The following NDNF variants were observed in gnomAD, a reference collection of about 807,000 sequenced individuals.
NDNF encodes the protein protein NDNF.
A neutral mutation model predicts 42.0 loss-of-function variants in NDNF; 16 were observed. The ratio of observed to expected loss-of-function variants is 0.38; its 90% confidence interval spans 0.26 to 0.58. The LOEUF (loss-of-function observed/expected upper bound fraction) is 0.58, where lower values mean the gene tolerates loss of function less well. Among genes scored for constraint, NDNF ranks in the 20% least tolerant of loss-of-function variants. The pLI, the probability that NDNF is intolerant of heterozygous loss-of-function variation, is 0.67. For missense variants in NDNF, 616 were observed against 666.2 expected (o/e 0.92, Z 0.83); for synonymous variants, 248 against 251.7 (o/e 0.99, Z 0.14).
At chr4:121,043,473 C>G (rs544798959) in intron 2 of NDNF, among the ~76,000 whole-genome samples, 76 of 151,822 alleles carry the variant, frequency 5.0e-4, no homozygotes, top group Non-Finnish European at 9.3e-4. Context: ...AACATTTTTT[C>G]CTATTGTGGA....
At chr4:121,064,215 CAGGAGT>C (rs1727462103) in intron 1 of NDNF, among the ~76,000 whole-genome samples, 1 of 152,076 alleles carries the variant, frequency 6.6e-6, no homozygotes, top group Admixed American at 6.6e-5. Context: ...TCAGATTTAT[CAGGAGT>C]AGAAGGATAG....
At chr4:121,038,455 G>A (rs1239785233) in intron 3 of NDNF, among the ~76,000 whole-genome samples, 4 of 151,850 alleles carry the variant, frequency 2.6e-5, no homozygotes. Context: ...CGTGCACCCA[G>A]GAATAACACA....
At chr4:121,048,145 A>G (rs777219538) in intron 1 of NDNF, among the ~76,000 whole-genome samples, 11 of 152,188 alleles carry the variant, frequency 7.2e-5, no homozygotes, top group Non-Finnish European at 1.6e-4. Context: ...ATGCAATTCT[A>G]CAAGTTTATT....
intron 1 of NDNF, among the ~76,000 whole-genome samples, chr4:121,055,758 T>C (rs1727282790): frequency 6.6e-6 from 1 of 152,088 alleles, no homozygotes; most frequent in Admixed American, 6.5e-5. Flanking sequence ...ATCCGCCAGA[T>C]ACATGGATGG....
intron 1 of NDNF, among the ~76,000 whole-genome samples, chr4:121,068,071 A>G (rs889639129): frequency 4.6e-5 from 7 of 152,258 alleles, no homozygotes; most frequent in Non-Finnish European, 7.3e-5. Flanking sequence ...CAAAAATATA[A>G]CTGAGTTTAT....
chr4:121,069,938 A>C (rs1727561504), intron 1 of NDNF, among the ~76,000 whole-genome samples: 1 of 152,224 alleles, frequency 6.6e-6, no homozygotes, highest in African/African-American at 2.4e-5. Context: ...TTGGGACCAT[A>C]ATTAATTATG....
Position 121,037,599 on chromosome 4 carries a change from C to A in NDNF, c.372G>T (p.Glu124Asp). 22 of 1,608,602 alleles carry A rather than the reference C, an allele frequency of 1.4e-5. No individual in the cohort carries two copies. The highest frequency in any genetic ancestry group is 1.9e-5 in the Non-Finnish European group (22 of 1,178,986). Residue 124 changes from glutamate (E) to aspartate (D), a missense_variant, in exon 4 of 4, where the codon GAG becomes GAT. Transcript: ENST00000379692. ...KQQIINEEGT[E>D]LFSYKGNDVE... ...CATCATTGCCTTTGTAGGAGAATAA[C>A]TCAGTGCCTTCCTCATTAATGATCT... is the stretch of plus-strand genomic sequence containing the variant.
intron 2 of NDNF, among the ~76,000 whole-genome samples, chr4:121,042,857 T>C (rs1045470859): frequency 1.3e-5 from 2 of 152,196 alleles, no homozygotes; most frequent in Admixed American, 1.3e-4. Flanking sequence ...CACAAGGAAG[T>C]AGTTTATTTC....
rs1364185591 is a variant in NDNF at position 121,045,826 on chromosome 4, G to GAGC, written c.9_11dup (p.Leu4dup). On this transcript the variant is annotated inframe_insertion, in exon 2 of 4. Coordinates refer to ENST00000379692, the MANE Select transcript of NDNF (RefSeq NM_024574.4). ...ACAGGAGCCACAGCAGGCACCAGTG[G>GAGC]AGCAGCACCATCCTGAGGCAACAGA... 3 of 1,613,914 alleles carry GAGC rather than the reference G, an allele frequency of 1.9e-6. No individual in the cohort carries two copies. The highest frequency in any genetic ancestry group is 2.5e-6 in the Non-Finnish European group (3 of 1,179,970).
At chr4:121,065,872 T>G (rs1051051010) in intron 1 of NDNF, among the ~76,000 whole-genome samples, 2 of 152,060 alleles carry the variant, frequency 1.3e-5, no homozygotes, top group African/African-American at 4.8e-5. Context: ...GTTTACCCAT[T>G]TCCCATTGCA....
chr4:121,049,582 G>C (rs1727154779), intron 1 of NDNF, among the ~76,000 whole-genome samples: 1 of 152,110 alleles, frequency 6.6e-6, no homozygotes, highest in South Asian at 2.1e-4. Flanking sequence ...AACTATGACA[G>C]ACTAATTTAT....
intron 1 of NDNF, among the ~76,000 whole-genome samples, chr4:121,058,875 C>T (rs922570552): frequency 7.9e-5 from 12 of 151,898 alleles, no homozygotes; most frequent in African/African-American, 2.9e-4. Flanking sequence ...TTTCACTCTT[C>T]GAAAAAATTA....
intron 1 of NDNF, among the ~76,000 whole-genome samples, chr4:121,066,672 G>A (rs898451183): frequency 5.9e-5 from 9 of 152,056 alleles, no homozygotes; most frequent in Non-Finnish European, 1.0e-4. Context: ...ATATTTTAGA[G>A]GTCTAATTAT....
chr4:121,037,413 T>G lies in NDNF; in HGVS notation c.558A>C (p.Ser186=). ...CCAAAGTGACCGTGGTGCGCCCCAG[T>G]GAGGTCACATCTACTCTTGGGTCAT... The part of the protein sequence containing the change: ...LPYDPRVDVT[S]LGRTTVTLAW... Residue 186 remains serine, a synonymous_variant, in exon 4 of 4, where the codon TCA becomes TCC. Coordinates refer to ENST00000379692, the MANE Select transcript of NDNF (RefSeq NM_024574.4). 2.5e-6 allele frequency: 4 copies of G among 1,614,128 alleles called. No homozygotes were observed. The highest frequency in any genetic ancestry group is 3.4e-6 in the Non-Finnish European group (4 of 1,180,006).
Position 121,036,368 on chromosome 4 carries a change from G to A in NDNF, c.1603C>T (p.Leu535Phe). 6.2e-7 allele frequency: 1 copy of A among 1,614,142 alleles called. No homozygotes were observed. The change falls in exon 4 of 4, where the codon CTT becomes TTT. Residue 535 changes from leucine to phenylalanine, a missense_variant. By Grantham distance (22) the Leu-to-Phe change is conservative. Coordinates refer to ENST00000379692, the MANE Select transcript of NDNF (RefSeq NM_024574.4). ...AGCAGGTAAGATTTGCCAGGCTGAA[G>A]ACCTTTAATTGTTTCTGTGGTCACT... is the stretch of plus-strand genomic sequence containing the variant. ...KAVTTETIKG[L>F]QPGKSYLLDV...
At position 121,036,191 on chromosome 4, in the gene NDNF, T is replaced by G; in HGVS notation, c.*73A>C. 8.4e-7 allele frequency: 1 copy of G among 1,190,866 alleles called. No homozygotes were observed. 73.8% of individuals were successfully genotyped at this position (1,190,866 alleles called of 1,614,324 possible). A position where few individuals can be genotyped will look rare whatever the true frequency, so the allele number is the denominator to read the frequency against. On this transcript the variant is annotated 3_prime_UTR_variant, in exon 4 of 4. Transcript: ENST00000379692. ...TCACAACTTCTCTCAACTGTGGGAG[T>G]AGTCAGTTTATACTTAAAGTGATTT...
intron 2 of NDNF, among the ~76,000 whole-genome samples, chr4:121,041,862 G>A (rs1019205166): frequency 6.6e-6 from 1 of 152,182 alleles, no homozygotes; most frequent in Non-Finnish European, 1.5e-5. Context: ...GGTGAGTAGG[G>A]TTCAGAAACT....
intron 1 of NDNF, among the ~76,000 whole-genome samples, chr4:121,050,886 A>G (rs1579315350): frequency 6.6e-6 from 1 of 152,166 alleles, no homozygotes; most frequent in African/African-American, 2.4e-5. Context: ...TGGAATGCCA[A>G]TATCCTACAG....
intron 1 of NDNF, among the ~76,000 whole-genome samples, chr4:121,047,021 G>C (rs146762866): frequency 1.1e-3 from 161 of 152,242 alleles, no homozygotes; most frequent in African/African-American, 3.5e-3. Context: ...TTACATTGAG[G>C]TACTTTAAAT....
Sources: gnomAD v4.1 joint callset for allele counts (sites outside exome capture counted in the v4.1 genomes callset) on GRCh38, gnomAD v4.1.1 for gene constraint, MANE v1.5 for transcripts, NCBI Gene and HGNC (gene_info 2026-07-23, HGNC 2026-07-21) for gene names.